BMAL2: variants seen among roughly 807,000 people sequenced by gnomAD.
BMAL2 encodes the protein basic helix-loop-helix ARNT-like protein 2.
chr12:27,417,180 T>C, the BMAL2 span, among the ~76,000 whole-genome samples: 1 of 152,192 alleles, frequency 6.6e-6, no homozygotes, highest in African/African-American at 2.4e-5. Context: ...CTTGAGACAA[T>C]ATAGGCAAAT....
the BMAL2 span, among the ~76,000 whole-genome samples, chr12:27,342,356 C>T: frequency 3.3e-5 from 5 of 152,058 alleles, no homozygotes; most frequent in East Asian, 7.7e-4. Flanking sequence ...GAGAATATAG[C>T]GAGAATATGT....
At chr12:27,382,911 C>G in the BMAL2 span, among the ~76,000 whole-genome samples, 1 of 152,164 alleles carries the variant, frequency 6.6e-6, no homozygotes, top group Non-Finnish European at 1.5e-5. Context: ...GAAAAATGAT[C>G]ATGGGTTTGG....
the BMAL2 span, among the ~76,000 whole-genome samples, chr12:27,338,002 T>C: frequency 6.6e-6 from 1 of 152,196 alleles, no homozygotes; most frequent in African/African-American, 2.4e-5. Flanking sequence ...CCACAAGTTA[T>C]TTGGTTTCTT....
At chr12:27,411,991 A>G in the BMAL2 span, among the ~76,000 whole-genome samples, 1 of 152,090 alleles carries the variant, frequency 6.6e-6, no homozygotes, top group East Asian at 1.9e-4. Flanking sequence ...TAAGGTCCTA[A>G]GTTTAGTCTT....
At chr12:27,409,518 G>A in the BMAL2 span, among the ~76,000 whole-genome samples, 1 of 152,174 alleles carries the variant, frequency 6.6e-6, no homozygotes, top group Non-Finnish European at 1.5e-5. Context: ...TCAATAAATG[G>A]TGCTGGGAAA....
chr12:27,403,890 T>G, the BMAL2 span, among the ~76,000 whole-genome samples: 42 of 151,988 alleles, frequency 2.8e-4, no homozygotes, highest in African/African-American at 9.4e-4. Context: ...TGGCCAGGCA[T>G]GGTGGGTCAT....
At chr12:27,342,751 G>C in the BMAL2 span, among the ~76,000 whole-genome samples, 1 of 152,208 alleles carries the variant, frequency 6.6e-6, no homozygotes, top group South Asian at 2.1e-4. Context: ...TTGCATTGTA[G>C]GTAGGCCATC....
At chr12:27,387,707 G>A in the BMAL2 span, among the ~76,000 whole-genome samples, 14 of 152,148 alleles carry the variant, frequency 9.2e-5, no homozygotes, top group African/African-American at 3.4e-4. Context: ...TATAATCATT[G>A]CATGACAGCC....
At chr12:27,338,365 A>G in the BMAL2 span, among the ~76,000 whole-genome samples, 3 of 152,092 alleles carry the variant, frequency 2.0e-5, no homozygotes, top group Non-Finnish European at 4.4e-5. Context: ...CCTCCCCCAC[A>G]GTTGGGAGAA....
the BMAL2 span, chr12:27,424,894 T>C: frequency 1.3e-5 from 2 of 152,260 alleles, no homozygotes; most frequent in African/African-American, 4.8e-5. Context: ...TTATGATTTT[T>C]GTGCCTACAA....
At chr12:27,405,487 A>C in the BMAL2 span, among the ~76,000 whole-genome samples, 1 of 152,320 alleles carries the variant, frequency 6.6e-6, no homozygotes, top group South Asian at 2.1e-4. Context: ...CAGGCAAACA[A>C]GGTCTGGAGT....
chr12:27,394,059 G>C, the BMAL2 span, among the ~76,000 whole-genome samples: 3,474 of 152,200 alleles, frequency 0.023, 133 homozygotes, highest in African/African-American at 0.08. Context: ...AGCCTCCCAA[G>C]TAGCTGAGAC....
chr12:27,405,728 A>G, the BMAL2 span, among the ~76,000 whole-genome samples: 5 of 152,252 alleles, frequency 3.3e-5, no homozygotes, highest in African/African-American at 7.2e-5. Context: ...CTTACCAGCA[A>G]TGGAACAAAG....
the BMAL2 span, among the ~76,000 whole-genome samples, chr12:27,333,384 C>T: frequency 6.6e-6 from 1 of 152,142 alleles, no homozygotes; most frequent in Non-Finnish European, 1.5e-5. Context: ...TGGTCCCGGG[C>T]CGGGCGCATT....
chr12:27,393,440 G>A, the BMAL2 span, among the ~76,000 whole-genome samples: 1 of 152,192 alleles, frequency 6.6e-6, no homozygotes, highest in African/African-American at 2.4e-5. Flanking sequence ...TGTGGCTGAT[G>A]CTGTTAATCC....
the BMAL2 span, among the ~76,000 whole-genome samples, chr12:27,406,419 A>G: frequency 6.6e-6 from 1 of 152,236 alleles, no homozygotes; most frequent in African/African-American, 2.4e-5. Context: ...ACAGGCCAGA[A>G]GAGAGTGGGG....
At chr12:27,334,392 T>G in the BMAL2 span, among the ~76,000 whole-genome samples, 1 of 152,160 alleles carries the variant, frequency 6.6e-6, no homozygotes, top group Non-Finnish European at 1.5e-5. Flanking sequence ...GAGATATGAA[T>G]GCAAATAAAA....
the BMAL2 span, among the ~76,000 whole-genome samples, chr12:27,359,211 T>C: frequency 6.6e-6 from 1 of 152,198 alleles, no homozygotes; most frequent in African/African-American, 2.4e-5. Flanking sequence ...AAAGTACGCC[T>C]CCTTGTTTGT....
At chr12:27,360,251 CAAG>C in the BMAL2 span, among the ~76,000 whole-genome samples, 1 of 151,928 alleles carries the variant, frequency 6.6e-6, no homozygotes, top group African/African-American at 2.4e-5. Flanking sequence ...TCAAAAGTCT[CAAG>C]AAAGACAAAA....
Sources: gnomAD v4.1 joint callset for allele counts (sites outside exome capture counted in the v4.1 genomes callset) on GRCh38, gnomAD v4.1.1 for gene constraint, MANE v1.5 for transcripts, NCBI Gene and HGNC (gene_info 2026-07-23, HGNC 2026-07-21) for gene names.